PCDHGA2: variants seen among roughly 807,000 people sequenced by gnomAD.
PCDHGA2 encodes protocadherin gamma-A2.
In PCDHGA2, 40 loss-of-function variants were observed where a neutral mutation model predicts 59.2. That is an observed-to-expected ratio of 0.68 (90% CI 0.52 to 0.88). The LOEUF (loss-of-function observed/expected upper bound fraction) is 0.88, where lower values mean the gene tolerates loss of function less well. Among genes scored for constraint, PCDHGA2 ranks in the 40% least tolerant of loss-of-function variants. The pLI is 0.00. For synonymous variants in PCDHGA2, 560 were observed against 526.0 expected (o/e 1.06, Z -0.89); for missense variants, 1,226 against 1,204.0 (o/e 1.02, Z -0.27).
At chr5:141,454,838 C>G (rs1472341694) in intron 1 of PCDHGA2, among the ~76,000 whole-genome samples, 1 of 100,816 alleles carries the variant, frequency 9.9e-6, no homozygotes, top group South Asian at 3.5e-4. Flanking sequence ...GACAGAGTCG[C>G]GCTCTGTCAC....
At chr5:141,365,015 C>A (rs773470378) in intron 1 of PCDHGA2, 2 of 1,613,904 alleles carry the variant, frequency 1.2e-6, no homozygotes, top group South Asian at 2.2e-5. Context: ...CACGCACATC[C>A]GTGTTACGGT....
chr5:141,366,418 A>G (rs371439517), intron 1 of PCDHGA2: 439 of 1,613,988 alleles, frequency 2.7e-4, no homozygotes, highest in East Asian at 7.4e-4. Context: ...TTGTGGTGGC[A>G]GTGGCTGCAG....
At chr5:141,370,435 G>A (rs748496364) in intron 1 of PCDHGA2, 30 of 1,603,488 alleles carry the variant, frequency 1.9e-5, no homozygotes, top group Middle Eastern at 1.7e-4. Context: ...GCAGGGCAGA[G>A]GCGAATGCTA....
chr5:141,460,511 A>G (rs533913282), intron 1 of PCDHGA2, among the ~76,000 whole-genome samples: 2 of 152,286 alleles, frequency 1.3e-5, no homozygotes, highest in Admixed American at 1.3e-4. Context: ...TGAGAAGGCT[A>G]TCTTTTCCCC....
chr5:141,350,640 C>A (rs1477120980), intron 1 of PCDHGA2: 2 of 1,613,924 alleles, frequency 1.2e-6, no homozygotes, highest in Non-Finnish European at 1.7e-6. Flanking sequence ...AATGACAATG[C>A]ACCACGTTTC....
intron 1 of PCDHGA2, chr5:141,409,672 T>C (rs1411780634): frequency 2.5e-6 from 4 of 1,613,458 alleles, no homozygotes; most frequent in Non-Finnish European, 2.5e-6. Flanking sequence ...TCTCCTACTC[T>C]ATAGTGGCGA....
At chr5:141,369,056 A>G (rs1051777432) in intron 1 of PCDHGA2, among the ~76,000 whole-genome samples, 7 of 152,212 alleles carry the variant, frequency 4.6e-5, no homozygotes, top group Non-Finnish European at 5.9e-5. Flanking sequence ...TACATTATGT[A>G]GGCTAAAGAT....
rs745334496 is a variant in PCDHGA2 at position 141,478,302 on chromosome 5, C to A, written c.2425-16505C>A. 47 of 1,613,952 alleles carry A rather than the reference C, an allele frequency of 2.9e-5. 1 individual carries two copies. In the Admixed American group the frequency reaches 7.0e-4, roughly 24 times the overall value. On this transcript the variant is annotated intron_variant, in intron 1 of 3. Transcript: ENST00000394576. ...AAGCAGTCTAGAGACCTATACCGAGCCCCGGTGAGCTCACTGTACCGAACA... is the reference window on the plus strand; with the variant it reads ...AAGCAGTCTAGAGACCTATACCGAGACCCGGTGAGCTCACTGTACCGAACA...
chr5:141,466,819 C>A (rs2099130454), intron 1 of PCDHGA2, among the ~76,000 whole-genome samples: 1 of 152,068 alleles, frequency 6.6e-6, no homozygotes, highest in Non-Finnish European at 1.5e-5. Context: ...CATGGTATAA[C>A]AAGTTAGTAT....
chr5:141,384,366 T>A (rs573164893), intron 1 of PCDHGA2: 1 of 1,613,896 alleles, frequency 6.2e-7, no homozygotes, highest in Non-Finnish European at 8.5e-7. Context: ...AGATCACTTA[T>A]TCCTTGGCCG....
chr5:141,389,749 G>C (rs1361443182), intron 1 of PCDHGA2: 1 of 1,612,740 alleles, frequency 6.2e-7, no homozygotes, highest in South Asian at 1.1e-5. Context: ...CTGCGCACGG[G>C]CGAAGTGCGC....
rs1312101699 is a variant in PCDHGA2 at position 141,421,245 on chromosome 5, G to C, written c.2425-73562G>C. ...AGCCTGCCATGGCGAATCGGCTACA[G>C]CGCGGGGACCGCAGTCGGCTGCTGC... On this transcript the variant is annotated intron_variant, in intron 1 of 3. Coordinates refer to ENST00000394576, the MANE Select transcript of PCDHGA2 (RefSeq NM_018915.4). 6.2e-7 allele frequency: 1 copy of C among 1,603,936 alleles called. No homozygotes were observed. The highest frequency in any genetic ancestry group is 8.5e-7 in the Non-Finnish European group (1 of 1,176,330).
chr5:141,510,194 G>A (rs920127442), intron 3 of PCDHGA2, among the ~76,000 whole-genome samples: 1 of 151,462 alleles, frequency 6.6e-6, no homozygotes, highest in Non-Finnish European at 1.5e-5. Context: ...AATCACTTGA[G>A]CCCAGGAGGC....
intron 1 of PCDHGA2, among the ~76,000 whole-genome samples, chr5:141,479,998 G>A (rs2099511091): frequency 6.6e-6 from 1 of 152,272 alleles, no homozygotes; most frequent in South Asian, 2.1e-4. Flanking sequence ...AGGAGTCTGT[G>A]GCCAAGTTAC....
chr5:141,457,949 C>G (rs2098933653), intron 1 of PCDHGA2, among the ~76,000 whole-genome samples: 1 of 152,192 alleles, frequency 6.6e-6, no homozygotes. Flanking sequence ...CTCTGCATGT[C>G]AAGCTTGATT....
chr5:141,388,572 G>A, intron 1 of PCDHGA2: 6 of 1,613,808 alleles, frequency 3.7e-6, no homozygotes, highest in South Asian at 2.2e-5. Flanking sequence ...ACAGATACAC[G>A]TTCTAGTGAC....
intron 1 of PCDHGA2, chr5:141,351,135 C>T (rs1376583429): frequency 1.2e-6 from 2 of 1,613,920 alleles, no homozygotes; most frequent in Admixed American, 1.7e-5. Flanking sequence ...AATCTCAATC[C>T]AAATACTGGC....
chr5:141,395,559 T>TA (rs2093276349), intron 1 of PCDHGA2: 2 of 220,962 alleles, frequency 9.1e-6, no homozygotes, highest in Admixed American at 1.1e-4. Flanking sequence ...TGTGTGTGTG[T>TA]GTGTGTGTGT....
Position 141,340,270 on chromosome 5 carries a change from C to T in PCDHGA2, c.1299C>T (p.Ser433=). The change falls in exon 1 of 4, where the codon TCC becomes TCT. Residue 433 remains serine, a synonymous_variant. Coordinates refer to ENST00000394576, the MANE Select transcript of PCDHGA2 (RefSeq NM_018915.4). ...AAGATGGAGGGAACCCCTCCCTGTC[C>T]ACGGATGCTCACATTTTGCTCCAGG... The part of the protein sequence containing the change: ...TAKDGGNPSL[S]TDAHILLQVA... 1 of 1,614,130 alleles carries T rather than the reference C, an allele frequency of 6.2e-7. No homozygotes were observed. Among genetic ancestry groups the T allele is most frequent in the Non-Finnish European group, 8.5e-7 (1 of 1,180,018 alleles).
Sources: allele counts gnomAD v4.1 joint callset (sites outside exome capture counted in the v4.1 genomes callset), GRCh38; gene constraint gnomAD v4.1.1; transcripts MANE v1.5; gene names NCBI Gene and HGNC (gene_info 2026-07-23, HGNC 2026-07-21).